The following C3 variants were observed in gnomAD, a reference collection of about 807,000 sequenced individuals.
The protein encoded by C3 is complement C3.
C3 carries 97 observed loss-of-function variants against 207.9 expected under a neutral mutation model. The ratio of observed to expected loss-of-function variants is 0.47; its 90% CI spans 0.40 to 0.55. The LOEUF is 0.55. Among genes scored for constraint, C3 ranks in the 20% least tolerant of loss-of-function variants. The probability of loss-of-function intolerance (pLI) is 0.00; values close to 1 mark genes in which losing one functional copy is unlikely to be tolerated. For synonymous variants in C3, 848 were observed against 857.6 expected, an observed-to-expected ratio of 0.99 and a Z score of 0.20; for missense variants, 1,684 against 2,171.7, an observed-to-expected ratio of 0.78 and a Z score of 4.46.
chr19:6,693,973 G>C (rs1918236225), intron 24 of C3, among the ~76,000 whole-genome samples: 1 of 135,174 alleles, frequency 7.4e-6, no homozygotes, highest in African/African-American at 3.1e-5. Flanking sequence ...AGAGGTGGGA[G>C]GCCCTCAGGG....
rs201245538 is a variant in C3 at position 6,714,261 on chromosome 19, C to T, written c.600-13G>A. 13 of 1,613,538 alleles carry T rather than the reference C, an allele frequency of 8.1e-6. No individual in the cohort carries two copies. Among genetic ancestry groups the T allele is most frequent in the Admixed American group, 5.0e-5 (3 of 60,012 alleles). ...CCACTGGCCCATGCTGTGAGGAGGG[C>T]GGATGAGTGGTCTCTCAGGCCTCGG... On this transcript the variant is annotated splice_polypyrimidine_tract_variant and intron_variant, in intron 5 of 40. Transcript: ENST00000245907.
intron 11 of C3, 80 bp downstream of exon 11, chr19:6,712,177 A>G: frequency 1.9e-6 from 3 of 1,555,678 alleles, no homozygotes; most frequent in Non-Finnish European, 2.6e-6. Flanking sequence ...TATGCAAATG[A>G]CAGGACCCCA....
Position 6,713,194 on chromosome 19 carries a change from T to A in C3, c.998A>T (p.His333Leu). Reference sequence around the variant, plus strand: ...GCCTTCAGACTGGGCCTCACCTGAGTGCAAGATGACGGTGGCAGACACGTA... The same window carrying A: ...GCCTTCAGACTGGGCCTCACCTGAGAGCAAGATGACGGTGGCAGACACGTA... ...SLYVSATVIL[H>L]SGSDMVQAER... Residue 333 changes from histidine (H) to leucine (L), a missense_variant, in exon 9 of 41, where the codon CAC becomes CTC. Physicochemically the swap from His to Leu is moderately conservative, Grantham distance 99. Around this residue, in one of 3 missense-constraint regions of C3, gnomAD observed 1,280 missense variants for 1,739.1 expected, o/e 0.74. Transcript: ENST00000245907. 1 of 1,613,670 alleles carries A rather than the reference T, an allele frequency of 6.2e-7. No homozygotes were observed. The highest frequency in any genetic ancestry group is 1.7e-4 in the Middle Eastern group (1 of 6,060).
chr19:6,678,977 T>C (rs1036489609), intron 38 of C3, 148 bp downstream of exon 38: 1 of 714,294 alleles, frequency 1.4e-6, no homozygotes, highest in Non-Finnish European at 2.6e-6. Flanking sequence ...CACACAATCA[T>C]GGCCCCTCAC....
intron 36 of C3, 105 bp downstream of exon 36, chr19:6,680,053 C>T (rs2051136359): frequency 1.3e-6 from 1 of 767,246 alleles, no homozygotes; most frequent in South Asian, 1.4e-5. Flanking sequence ...GCTCAAATCC[C>T]TGGACTCCTT....
At position 6,719,259 on chromosome 19, in the gene C3, C is replaced by A; in HGVS notation, c.219G>T (p.Lys73Asn). 7 of 1,614,042 alleles carry A rather than the reference C, an allele frequency of 4.3e-6. No individual in the cohort carries two copies. Among genetic ancestry groups the A allele is most frequent in the Non-Finnish European group, 5.9e-6 (7 of 1,179,974 alleles). ...PGKKLVLSSE[K>N]TVLTPATNHM... is the part of the protein sequence containing the mutation. ...GGTTGGTGGCAGGGGTCAGCACAGT[C>A]TTCTCACTGGACAGCACTAGTTTTT... The change falls in exon 2 of 41, where the codon AAG becomes AAT. Residue 73 changes from lysine (K) to asparagine (N), a missense_variant. Transcript: ENST00000245907. The surrounding 1 kb of genome is among the most constrained non-coding windows in gnomAD (Gnocchi z 5.4).
At chr19:6,684,510 T>C in intron 32 of C3, 50 bp downstream of exon 32, 1 of 1,573,500 alleles carries the variant, frequency 6.4e-7, no homozygotes, top group Non-Finnish European at 8.7e-7. Flanking sequence ...GGGAAGACAT[T>C]AGAAGAGGGG....
chr19:6,712,635 A>C lies in C3; in HGVS notation c.1004-12T>G. 6.2e-7 allele frequency: 1 copy of C among 1,609,026 alleles called. No homozygotes were observed. The highest frequency in any genetic ancestry group is 8.5e-7 in the Non-Finnish European group (1 of 1,175,388). ...CACCATGTCACTGCCTGAGGGGACC[A>C]GCTGTGAGTGTAGGCTTCTGGGCCA... On this transcript the variant is annotated splice_polypyrimidine_tract_variant and intron_variant, in intron 9 of 40. Transcript: ENST00000245907.
intron 21 of C3, 110 bp from the exon 22 acceptor site, chr19:6,696,769 C>T (rs978124641): frequency 2.0e-5 from 22 of 1,095,824 alleles, no homozygotes; most frequent in South Asian, 8.7e-5. Context: ...TTGCCGGGCG[C>T]GGTGGCTCGT....
At chr19:6,698,568 G>A (rs931571111) in intron 19 of C3, among the ~76,000 whole-genome samples, 13 of 151,934 alleles carry the variant, frequency 8.6e-5, no homozygotes, top group African/African-American at 3.1e-4. Context: ...ATCTAGCTAG[G>A]TGCGGTGGCT....
intron 26 of C3, among the ~76,000 whole-genome samples, chr19:6,692,232 C>T (rs1236994601): frequency 3.3e-5 from 5 of 152,174 alleles, no homozygotes; most frequent in Non-Finnish European, 4.4e-5. Flanking sequence ...CCTCCCAAAG[C>T]GCTGGGATTA....
At chr19:6,717,966 C>T (rs1968077422) in intron 4 of C3, 128 bp downstream of exon 4, 3 of 867,678 alleles carry the variant, frequency 3.5e-6, no homozygotes, top group Non-Finnish European at 5.9e-6. Flanking sequence ...TGTGTGTCTG[C>T]ATATCTCTTT....
intron 25 of C3, 125 bp from the exon 26 acceptor site, chr19:6,693,208 C>T (rs1433304963): frequency 7.4e-6 from 9 of 1,217,808 alleles, no homozygotes; most frequent in Admixed American, 1.8e-5. Flanking sequence ...CTTCCCAGGC[C>T]CCAGGACCCA....
At position 6,706,806 on chromosome 19, in the gene C3, C is replaced by T. The variant is rs11569437; in HGVS notation, c.2245+270G>A. Among the ~76,000 whole-genome samples the T allele has an allele frequency of 1.7e-3, 256 of 148,144 alleles. 1 individual carries two copies. The highest frequency in any genetic ancestry group is 6.2e-3 in the African/African-American group (249 of 39,884). On this transcript the variant is annotated intron_variant, in intron 17 of 40. Coordinates refer to ENST00000245907, the MANE Select transcript of C3 (RefSeq NM_000064.4). ...GACAGAGGCCTCCTCCCTCCTCAGA[C>T]GGGGACCTCCTCCCCCCTCAAGGCC...
At chr19:6,693,907 G>C (rs568737688) in intron 24 of C3, among the ~76,000 whole-genome samples, 4 of 151,970 alleles carry the variant, frequency 2.6e-5, no homozygotes, top group African/African-American at 9.7e-5. Context: ...AAAGAGGCAG[G>C]GTCTCGAGAT....
chr19:6,713,272 A>G lies in C3; in HGVS notation c.920T>C (p.Leu307Pro). 1.2e-6 allele frequency: 2 copies of G among 1,613,734 alleles called. No individual in the cohort carries two copies. The highest frequency in any genetic ancestry group is 8.5e-7 in the Non-Finnish European group (1 of 1,180,004). The change falls in exon 9 of 41, where the codon CTG (leucine) becomes CCG (proline). Residue 307 changes from leucine (L) to proline (P), a missense_variant. Around this residue, in one of 3 missense-constraint regions of C3, gnomAD observed 1,280 missense variants for 1,739.1 expected, o/e 0.74. Transcript: ENST00000245907. ...SGEVVLSRKV[L>P]LDGVQNPRAE... ...TCGGGGGTTCTGCACCCCGTCCAGC[A>G]GTACCTTCCGGCTCAGCACAACCTC...
intron 18 of C3, 56 bp from the exon 19 acceptor site, chr19:6,702,268 G>GATGCT: frequency 8.4e-7 from 1 of 1,189,406 alleles, no homozygotes; most frequent in Non-Finnish European, 1.3e-6. Context: ...GGTGGTAGAG[G>GATGCT]GGAAGAACTG....
chr19:6,690,589 G>T (rs376368705), intron 27 of C3, 40 bp downstream of exon 27: 3 of 1,522,648 alleles, frequency 2.0e-6, no homozygotes, highest in South Asian at 1.1e-5. Flanking sequence ...GCTCTGCATC[G>T]GGTAAGGTAG....
chr19:6,678,950 TCA>T (rs771480437), intron 38 of C3, among the ~76,000 whole-genome samples, 173 bp downstream of exon 38: 1 of 152,048 alleles, frequency 6.6e-6, no homozygotes, highest in Non-Finnish European at 1.5e-5. Context: ...CCTAGGCCAC[TCA>T]CAGTCATGGT....
Sources: allele counts gnomAD v4.1 joint callset (sites outside exome capture counted in the v4.1 genomes callset), GRCh38; gene constraint gnomAD v4.1.1; regional missense constraint gnomAD v4.1.1; non-coding constraint Gnocchi (gnomAD v3.1); transcripts MANE v1.5; gene names NCBI Gene and HGNC (gene_info 2026-07-23, HGNC 2026-07-21).